Variants in ARHGAP28 observed in about 807,000 individuals in gnomAD.
The protein encoded by ARHGAP28 is rho GTPase-activating protein 28.
A neutral mutation model predicts 90.7 loss-of-function variants in ARHGAP28; 56 were observed. The ratio of observed to expected loss-of-function variants is 0.62; its 90% CI spans 0.50 to 0.77. The LOEUF (loss-of-function observed/expected upper bound fraction) is 0.77, where lower values mean the gene tolerates loss of function less well. Ranked by LOEUF, ARHGAP28 falls within the 30% of genes least tolerant of loss-of-function variation. The probability of loss-of-function intolerance (pLI) is 0.00; values close to 1 mark genes in which losing one functional copy is unlikely to be tolerated. For synonymous variants in ARHGAP28, 308 were observed against 323.3 expected, an observed-to-expected ratio of 0.95 and a Z score of 0.51; for missense variants, 869 against 900.9, an observed-to-expected ratio of 0.96 and a Z score of 0.45.
chr18:6,841,867 C>T (rs2056830498), intron 3 of ARHGAP28, among the ~76,000 whole-genome samples: 1 of 152,128 alleles, frequency 6.6e-6, no homozygotes, highest in Non-Finnish European at 1.5e-5. Context: ...TTTTCAGGTT[C>T]TACATATTTT....
At chr18:6,820,609 G>A (rs1368238435) in intron 1 of ARHGAP28, among the ~76,000 whole-genome samples, 1 of 152,160 alleles carries the variant, frequency 6.6e-6, no homozygotes, top group East Asian at 1.9e-4. Flanking sequence ...ATTGCTGAAA[G>A]CAAAAGATAA....
intron 14 of ARHGAP28, among the ~76,000 whole-genome samples, chr18:6,891,445 A>C (rs1387650180): frequency 6.6e-6 from 1 of 151,730 alleles, no homozygotes; most frequent in African/African-American, 2.4e-5. Context: ...TTGTATTTTT[A>C]GTAGAGACAG....
At chr18:6,733,746 G>A (rs1438548547) in intron 1 of ARHGAP28, among the ~76,000 whole-genome samples, 2 of 152,166 alleles carry the variant, frequency 1.3e-5, no homozygotes, top group African/African-American at 2.4e-5. Flanking sequence ...TAAAGCAAGA[G>A]CATAATTCTC....
At chr18:6,813,729 A>G (rs2056572312) in intron 1 of ARHGAP28, among the ~76,000 whole-genome samples, 2 of 152,030 alleles carry the variant, frequency 1.3e-5, no homozygotes, top group African/African-American at 4.8e-5. Flanking sequence ...AGAGCATGGA[A>G]TTAGGCACCA....
chr18:6,831,652 T>G (rs932561882), intron 2 of ARHGAP28, among the ~76,000 whole-genome samples: 2 of 152,118 alleles, frequency 1.3e-5, no homozygotes, highest in African/African-American at 4.8e-5. Flanking sequence ...CTTAGGATTA[T>G]CTACATAAGC....
intron 4 of ARHGAP28, among the ~76,000 whole-genome samples, chr18:6,859,163 TA>T (rs200846190): frequency 5.5e-4 from 83 of 151,730 alleles, no homozygotes; most frequent in African/African-American, 2.0e-3. Flanking sequence ...TAGAATCTGC[TA>T]AAAAAAAATT....
intron 1 of ARHGAP28, among the ~76,000 whole-genome samples, chr18:6,794,575 T>C (rs2056428538): frequency 1.3e-5 from 2 of 152,258 alleles, no homozygotes; most frequent in Admixed American, 6.5e-5. Flanking sequence ...GTTTTTCTTA[T>C]AAATTCTTTT....
At chr18:6,883,206 C>T (rs534918004) in intron 11 of ARHGAP28, among the ~76,000 whole-genome samples, 4 of 151,040 alleles carry the variant, frequency 2.6e-5, no homozygotes, top group Non-Finnish European at 5.9e-5. Flanking sequence ...GGCTTTAATG[C>T]GAAAACTCTC....
At chr18:6,830,668 A>C (rs1224254381) in intron 2 of ARHGAP28, among the ~76,000 whole-genome samples, 1 of 152,220 alleles carries the variant, frequency 6.6e-6, no homozygotes, top group African/African-American at 2.4e-5. Context: ...TTATGGCTGC[A>C]TAGTATTCCA....
chr18:6,880,556 C>G (rs1237170389), intron 10 of ARHGAP28, among the ~76,000 whole-genome samples: 1 of 152,206 alleles, frequency 6.6e-6, no homozygotes, highest in East Asian at 1.9e-4. Flanking sequence ...AGCGTGAAGG[C>G]TAGTCCCCTT....
At chr18:6,876,252 C>G in intron 10 of ARHGAP28, 44 bp downstream of exon 10, 2 of 1,439,666 alleles carry the variant, frequency 1.4e-6, no homozygotes, top group Non-Finnish European at 2.0e-6. Flanking sequence ...TCTAAGCTAG[C>G]TAGACCCAGT....
chr18:6,738,010 A>G (rs1428137390), intron 1 of ARHGAP28, among the ~76,000 whole-genome samples: 1 of 152,202 alleles, frequency 6.6e-6, no homozygotes, highest in Non-Finnish European at 1.5e-5. Flanking sequence ...TGCCTGTGTC[A>G]TGTTATTCTG....
At chr18:6,878,820 T>TAGAAAGACATTGAAACGTGATGCATTAA (rs1415312620) in intron 10 of ARHGAP28, among the ~76,000 whole-genome samples, 7 of 152,242 alleles carry the variant, frequency 4.6e-5, no homozygotes, top group Non-Finnish European at 7.3e-5. Flanking sequence ...ACACTGCCGT[T>TAGAAAGACATTGAAACGTGATGCATTAA]AGAAAGACAT....
rs530625355 is a variant in ARHGAP28, at chr18:6,827,101, A to C, written c.325+2137A>C. On this transcript the variant is annotated intron_variant, in intron 2 of 17. Coordinates refer to ENST00000383472, the MANE Select transcript of ARHGAP28 (RefSeq NM_001366230.1). ...CGTGTCTACCTCTTTCTACACAGAC[A>C]CGGCAACCATCCGATTTCTCAGTCT... 1.1e-4 allele frequency among the ~76,000 whole-genome samples: 16 copies of C among 152,292 alleles called. No homozygotes were observed. In the South Asian group the frequency reaches 3.1e-3, roughly 30 times the overall value.
At chr18:6,847,189 CCTGCTATT>C (rs1258908225) in intron 3 of ARHGAP28, among the ~76,000 whole-genome samples, 2 of 151,980 alleles carry the variant, frequency 1.3e-5, no homozygotes, top group African/African-American at 4.8e-5. Flanking sequence ...GCAGGGAGAA[CCTGCTATT>C]AGGCCACCTG....
At chr18:6,807,282 C>T (rs919653661) in intron 1 of ARHGAP28, among the ~76,000 whole-genome samples, 4 of 152,162 alleles carry the variant, frequency 2.6e-5, no homozygotes, top group Admixed American at 2.0e-4. Context: ...ATTCTGTCAC[C>T]TGTCATTACA....
chr18:6,765,645 A>G (rs1265393435), intron 1 of ARHGAP28, among the ~76,000 whole-genome samples: 1 of 151,862 alleles, frequency 6.6e-6, no homozygotes, highest in Non-Finnish European at 1.5e-5. Flanking sequence ...ATTTGCTTCT[A>G]TTTACTTTTG....
chr18:6,798,515 C>CAGA (rs1567951229), intron 1 of ARHGAP28, among the ~76,000 whole-genome samples: 1 of 152,146 alleles, frequency 6.6e-6, no homozygotes, highest in African/African-American at 2.4e-5. Flanking sequence ...TAAACCTATA[C>CAGA]AATGACTTTC....
chr18:6,857,824 T>C (rs1376338936), intron 4 of ARHGAP28, among the ~76,000 whole-genome samples: 2 of 152,256 alleles, frequency 1.3e-5, no homozygotes, highest in East Asian at 3.8e-4. Flanking sequence ...CTGGACTTTA[T>C]TGATTTTCCG....
Sources: allele counts gnomAD v4.1 joint callset (sites outside exome capture counted in the v4.1 genomes callset), GRCh38; gene constraint gnomAD v4.1.1; transcripts MANE v1.5; gene names NCBI Gene and HGNC (gene_info 2026-07-23, HGNC 2026-07-21).